Variants in CCDC195 observed in about 807,000 individuals in gnomAD.
The protein encoded by CCDC195 is coiled-coil domain-containing protein 195.
At chr2:224,707,058 G>C (rs934930534) in intron 2 of CCDC195, among the ~76,000 whole-genome samples, 1 of 151,722 alleles carries the variant, frequency 6.6e-6, no homozygotes. Context: ...AATAAATCTT[G>C]TTGGCTCCAC....
At chr2:224,716,351 G>C in exon 1 of CCDC195, 1 of 398,604 alleles carries the variant, frequency 2.5e-6, no homozygotes. Context: ...TCATGAGCTG[G>C]ATATCAGCTT....
At chr2:224,713,803 A>ATTTTTT in intron 1 of CCDC195, among the ~76,000 whole-genome samples, 1 of 136,558 alleles carries the variant, frequency 7.3e-6, no homozygotes, top group Non-Finnish European at 1.5e-5. Flanking sequence ...TTTCACCAGT[A>ATTTTTT]TTTTTTTTTT....
At position 224,710,243 on chromosome 2, in the gene CCDC195, A is replaced by G. The variant is rs1057092694; in HGVS notation, c.236-24T>C. 1.5e-5 allele frequency: 6 copies of G among 398,418 alleles called. No homozygotes were observed. In the South Asian group the frequency reaches 6.4e-4, roughly 43 times the overall value. 24.7% of individuals were successfully genotyped at this position (398,418 alleles called of 1,614,324 possible). On this transcript the variant is annotated intron_variant, in intron 1 of 2. Coordinates refer to ENST00000638102, the Ensembl canonical transcript of CCDC195. ...GCCTGTACAAAAGACACAAAATCCAACTTAAAAAAATTCTACCCTAATGAC... is the reference window on the plus strand; with the variant it reads ...GCCTGTACAAAAGACACAAAATCCAGCTTAAAAAAATTCTACCCTAATGAC...
rs201012911 is a variant in CCDC195 at position 224,706,189 on chromosome 2, C to CTTTTTTTTTTTTTTTTTTTTTTTT, written c.483-2326_483-2303dup. Among the ~76,000 whole-genome samples the CTTTTTTTTTTTTTTTTTTTTTTTT allele has an allele frequency of 8.4e-4, 28 of 33,360 alleles. 11 individuals carry two copies. Among genetic ancestry groups the CTTTTTTTTTTTTTTTTTTTTTTTT allele is most frequent in the Admixed American group, 2.4e-3 (4 of 1,702 alleles). The allele number at this position is 33,360 out of a possible 152,430, so 21.9% of individuals were successfully genotyped here. A position where few individuals can be genotyped will look rare whatever the true frequency, so the allele number is the denominator to read the frequency against. On this transcript the variant is annotated intron_variant, in intron 2 of 2. Transcript: ENST00000638102. Reference sequence around the variant, plus strand: ...TGTATATTGCCTCTATATTTTGTAACTTTTTTTTTTTTTTTTTTTTTTTTT... The same window carrying CTTTTTTTTTTTTTTTTTTTTTTTT: ...TGTATATTGCCTCTATATTTTGTAACTTTTTTTTTTTTTTTTTTTTTTTTTTTTTTTTTTTTTTTTTTTTTTTTT...
At position 224,703,892 on chromosome 2, in the gene CCDC195, A is replaced by G. The variant is rs1697207795; in HGVS notation, c.483-5T>C. 2.5e-6 allele frequency: 1 copy of G among 398,472 alleles called. No homozygotes were observed. Among genetic ancestry groups the G allele is most frequent in the African/African-American group, 2.1e-5 (1 of 48,644 alleles). The allele number at this position is 398,472 out of a possible 1,614,324, so 24.7% of individuals were successfully genotyped here. ...CTGACTGCCTTTGTCTTGTCCCTAC[A>G]GGAAGCAAAATAAAGGGAAGAAAAA... On this transcript the variant is annotated splice_polypyrimidine_tract_variant and splice_region_variant and intron_variant, in intron 2 of 2. Transcript: ENST00000638102.
chr2:224,716,125 G>T lies in CCDC195; in HGVS notation c.235+6C>A. The T allele has an allele frequency of 2.5e-6, 1 of 398,578 alleles. No individual in the cohort carries two copies. The highest frequency in any genetic ancestry group is 1.3e-4 in the South Asian group (1 of 7,766). The allele number at this position is 398,578 out of a possible 1,614,324, so 24.7% of individuals were successfully genotyped here. A position where few individuals can be genotyped will look rare whatever the true frequency, so the allele number is the denominator to read the frequency against. ...CAGCCCACAAGAGCTCAGAATGTTT[G>T]GGTACCTTGGTGTTCCTGCACTGCT... On this transcript the variant is annotated splice_donor_region_variant and intron_variant, in intron 1 of 2. Coordinates refer to ENST00000638102, the Ensembl canonical transcript of CCDC195.
intron 1 of CCDC195, among the ~76,000 whole-genome samples, chr2:224,711,272 T>C (rs1689315325): frequency 6.6e-6 from 1 of 151,916 alleles, no homozygotes; most frequent in South Asian, 2.1e-4. Context: ...GAGAGATTTG[T>C]GGCTTTAGTT....
rs569801264 is a variant in CCDC195 at position 224,708,043 on chromosome 2, C to T, written c.482+1930G>A. Among the ~76,000 whole-genome samples, 69 of 128,524 alleles carry T rather than the reference C, an allele frequency of 5.4e-4. 1 individual carries two copies. Among genetic ancestry groups the T allele is most frequent in the African/African-American group, 1.9e-3 (66 of 34,206 alleles). The allele number at this position is 128,524 out of a possible 152,430, so 84.3% of individuals were successfully genotyped here. Reference sequence around the variant, plus strand: ...TCCTTCCTTCCTTCCTTCTTAGAGGCAAGGTCTCACTATGTTGCCCAGGCT... The same window carrying T: ...TCCTTCCTTCCTTCCTTCTTAGAGGTAAGGTCTCACTATGTTGCCCAGGCT... On this transcript the variant is annotated intron_variant, in intron 2 of 2. Transcript: ENST00000638102.
intron 2 of CCDC195, among the ~76,000 whole-genome samples, chr2:224,708,240 C>T (rs1384211251): frequency 6.6e-6 from 1 of 152,092 alleles, no homozygotes; most frequent in Non-Finnish European, 1.5e-5. Flanking sequence ...ACATTAATTT[C>T]TGAATATTTA....
chr2:224,712,593 CT>C (rs894204137), intron 1 of CCDC195, among the ~76,000 whole-genome samples: 1 of 152,190 alleles, frequency 6.6e-6, no homozygotes, highest in Admixed American at 6.5e-5. Context: ...GAGAGCCTCA[CT>C]TTATCTCACC....
At chr2:224,708,587 T>C (rs1689259032) in intron 2 of CCDC195, among the ~76,000 whole-genome samples, 1 of 152,222 alleles carries the variant, frequency 6.6e-6, no homozygotes, top group Admixed American at 6.5e-5. Context: ...TTTCATCCTG[T>C]CTTTGGAAAT....
At chr2:224,711,609 G>A (rs1689320734) in intron 1 of CCDC195, among the ~76,000 whole-genome samples, 1 of 152,070 alleles carries the variant, frequency 6.6e-6, no homozygotes. Flanking sequence ...ATGAGTGATT[G>A]TGGAATCTTC....
chr2:224,708,787 T>C (rs1434005822), intron 2 of CCDC195, among the ~76,000 whole-genome samples: 2 of 152,206 alleles, frequency 1.3e-5, no homozygotes, highest in Non-Finnish European at 2.9e-5. Flanking sequence ...CTCTTTCCCG[T>C]GATAAGCTAA....
At position 224,706,701 on chromosome 2, in the gene CCDC195, G is replaced by T. The variant is rs1697244526; in HGVS notation, c.483-2814C>A. Among the ~76,000 whole-genome samples the T allele has an allele frequency of 2.0e-5, 3 of 150,648 alleles. No individual in the cohort carries two copies. The South Asian group carries it at 6.3e-4, about 32-fold the overall frequency. ...AATTTTTGTATTTTAGTAGAGATGG[G>T]GTTTCACCATGTTGGTCAGGCTGGT... On this transcript the variant is annotated intron_variant, in intron 2 of 2. Transcript: ENST00000638102.
At chr2:224,711,014 A>C (rs1472501491) in intron 1 of CCDC195, among the ~76,000 whole-genome samples, 1 of 152,234 alleles carries the variant, frequency 6.6e-6, no homozygotes, top group Non-Finnish European at 1.5e-5. Flanking sequence ...TCTCCCAGAC[A>C]TGCCAATTCT....
intron 2 of CCDC195, among the ~76,000 whole-genome samples, chr2:224,704,105 C>T (rs765939746): frequency 6.6e-6 from 1 of 152,110 alleles, no homozygotes; most frequent in African/African-American, 2.4e-5. Flanking sequence ...GTGGATAAAA[C>T]AAAAACTTAA....
chr2:224,704,586 C>T (rs1201094695), intron 2 of CCDC195, among the ~76,000 whole-genome samples: 4 of 120,464 alleles, frequency 3.3e-5, no homozygotes, highest in Non-Finnish European at 5.1e-5. Flanking sequence ...AACACAGCTG[C>T]ACCTTTTTTT....
intron 2 of CCDC195, among the ~76,000 whole-genome samples, chr2:224,709,209 C>T (rs1345707922): frequency 6.6e-6 from 1 of 150,392 alleles, no homozygotes; most frequent in Non-Finnish European, 1.5e-5. Flanking sequence ...CTGCCTCAGA[C>T]TCCCAAGTAG....
chr2:224,706,920 C>CTT (rs970813702), intron 2 of CCDC195, among the ~76,000 whole-genome samples: 1 of 147,166 alleles, frequency 6.8e-6, no homozygotes, highest in Non-Finnish European at 1.5e-5. Flanking sequence ...CACACGCGCA[C>CTT]TTTTTTTTTT....
Sources: gnomAD v4.1 joint callset for allele counts (sites outside exome capture counted in the v4.1 genomes callset) on GRCh38, gnomAD v4.1.1 for gene constraint, MANE v1.5 for transcripts, NCBI Gene and HGNC (gene_info 2026-07-23, HGNC 2026-07-21) for gene names.